Variants in PDE8B observed in about 807,000 individuals in gnomAD.
The protein encoded by PDE8B is high affinity cAMP-specific and IBMX-insensitive 3',5'-cyclic phosphodiesterase 8B.
PDE8B carries 26 observed loss-of-function variants against 101.3 expected under a neutral mutation model. The observed-to-expected ratio is 0.26, with a 90% confidence interval of 0.19 to 0.36. The LOEUF (loss-of-function observed/expected upper bound fraction) is 0.36. PDE8B is among the 10% of genes least tolerant of loss of function. The probability of loss-of-function intolerance (pLI) is 1.00; values close to 1 mark genes in which losing one functional copy is unlikely to be tolerated. For missense variants in PDE8B, 810 were observed against 1,163.1 expected, an observed-to-expected ratio of 0.70 and a Z score of 4.42; for synonymous variants, 424 against 429.3, an observed-to-expected ratio of 0.99 and a Z score of 0.15.
intron 10 of PDE8B, among the ~76,000 whole-genome samples, chr5:77,353,640 A>G (rs76721227): frequency 2.6e-5 from 4 of 151,982 alleles, no homozygotes; most frequent in Admixed American, 2.0e-4. Flanking sequence ...TGGCTGAGGA[A>G]CTCTCTAGAC....
In PDE8B at chr5:77,400,255, A is replaced by G. The variant is rs1791976981; in HGVS notation, c.1175A>G (p.Lys392Arg). The G allele has an allele frequency of 1.2e-6, 2 of 1,602,248 alleles. No individual in the cohort carries two copies. The highest frequency in any genetic ancestry group is 1.7e-6 in the Non-Finnish European group (2 of 1,169,206). ...ACTTTTGAACGACTTTAGATTCACA[A>G]GATTCATCGTGATTCAGGAGACAAT... is the stretch of plus-strand genomic sequence containing the variant. The part of the protein sequence containing the change: ...CTTDNNKQIH[K>R]IHRDSGDNSQ... Residue 392 changes from lysine to arginine, a missense_variant, in exon 11 of 22, where the codon AAG becomes AGG. Transcript: ENST00000264917.
At chr5:77,164,975 C>T in the PDE8B span, among the ~76,000 whole-genome samples, 42,392 of 152,092 alleles carry the variant, frequency 0.28, 7,285 homozygotes, top group Middle Eastern at 0.38. Context: ...TAGTGGTATA[C>T]TGATACATGC....
chr5:77,368,894 C>T (rs570782751), intron 10 of PDE8B, among the ~76,000 whole-genome samples: 1 of 152,018 alleles, frequency 6.6e-6, no homozygotes, highest in East Asian at 1.9e-4. Flanking sequence ...GGTTAGACCC[C>T]ATCTTAAAGA....
the PDE8B span, chr5:77,114,517 TGG>T: frequency 6.6e-6 from 1 of 151,612 alleles, no homozygotes. Context: ...GTTGAGGGGT[TGG>T]GGGGCTGGGG....
chr5:77,274,515 T>C (rs1241378158), intron 1 of PDE8B, among the ~76,000 whole-genome samples: 6 of 152,254 alleles, frequency 3.9e-5, no homozygotes, highest in Non-Finnish European at 7.3e-5. Flanking sequence ...CTCCTGGACA[T>C]GCAGTGATGG....
At chr5:77,139,233 C>A in the PDE8B span, 1 of 152,258 alleles carries the variant, frequency 6.6e-6, no homozygotes, top group Non-Finnish European at 1.5e-5. Context: ...GACTGAGGCT[C>A]CTTCTCTTCC....
chr5:77,419,987 G>A (rs1008093038), intron 19 of PDE8B, 100 bp downstream of exon 19: 1 of 1,394,474 alleles, frequency 7.2e-7, no homozygotes, highest in Non-Finnish European at 1.0e-6. Context: ...AATGTAAGGT[G>A]GTTATTTACT....
chr5:77,319,527 A>G (rs890635099), intron 2 of PDE8B, among the ~76,000 whole-genome samples: 1 of 152,244 alleles, frequency 6.6e-6, no homozygotes, highest in Non-Finnish European at 1.5e-5. Context: ...ATGCAAAATG[A>G]TAATGCTGTG....
intron 1 of PDE8B, chr5:77,291,465 A>T: frequency 1.2e-6 from 2 of 1,611,046 alleles, no homozygotes; most frequent in South Asian, 2.2e-5. Flanking sequence ...ACACACAGAG[A>T]CTTTTGCTCC....
intron 5 of PDE8B, 41 bp downstream of exon 5, chr5:77,331,500 C>T (rs765516392): frequency 4.8e-6 from 7 of 1,461,892 alleles, no homozygotes; most frequent in South Asian, 3.4e-5. Context: ...GTTGCAGGCA[C>T]CTTAACCCCT....
rs1465918008 is a variant in PDE8B at position 77,358,483 on chromosome 5, T to C, written c.1167+5077T>C. The C allele has an allele frequency of 4.1e-6, 4 of 978,096 alleles. No homozygotes were observed. The East Asian group carries it at 4.5e-4, about 111-fold the overall frequency. 60.6% of individuals were successfully genotyped at this position (978,096 alleles called of 1,614,324 possible). A position where few individuals can be genotyped will look rare whatever the true frequency, so the allele number is the denominator to read the frequency against. On this transcript the variant is annotated intron_variant, in intron 10 of 21. Coordinates refer to ENST00000264917, the MANE Select transcript of PDE8B (RefSeq NM_003719.5). Reference sequence around the variant, plus strand: ...AGTTCTCGCCTTAGGGCGGGGACTGTGGGTTATGCCTCTTCGTACTTCCTC... The same window carrying C: ...AGTTCTCGCCTTAGGGCGGGGACTGCGGGTTATGCCTCTTCGTACTTCCTC...
In PDE8B at chr5:77,311,998, T is replaced by G. The variant is rs1442721042; in HGVS notation, c.344T>G (p.Val115Gly). The change falls in exon 2 of 22, where the codon GTG (valine) becomes GGG (glycine). Residue 115 changes from valine (V) to glycine (G), a missense_variant. Transcript: ENST00000264917. ...TQTCYTSVKQVSSAEVRIGPM... is the reference protein window; with the variant it reads ...TQTCYTSVKQGSSAEVRIGPM... ...CTTGTGCTGTCCTTTATTTAGCAGG[T>G]GTCTTCTGCGGAGGTGCGCATCGGG... 1.9e-6 allele frequency: 3 copies of G among 1,613,336 alleles called. No homozygotes were observed. The highest frequency in any genetic ancestry group is 2.5e-6 in the Non-Finnish European group (3 of 1,179,246).
intron 1 of PDE8B, among the ~76,000 whole-genome samples, chr5:77,274,804 C>T (rs1285191852): frequency 6.6e-6 from 1 of 152,030 alleles, no homozygotes; most frequent in Non-Finnish European, 1.5e-5. Flanking sequence ...GGAATTTTAG[C>T]AGTTGTAGAC....
intron 1 of PDE8B, among the ~76,000 whole-genome samples, chr5:77,259,168 C>A (rs769736914): frequency 6.7e-6 from 1 of 148,830 alleles, no homozygotes; most frequent in Non-Finnish European, 1.5e-5. Context: ...TCTCCTGGTT[C>A]CTGCTTTTTG....
intron 5 of PDE8B, among the ~76,000 whole-genome samples, chr5:77,335,669 C>T (rs951115729): frequency 6.6e-6 from 1 of 152,100 alleles, no homozygotes; most frequent in African/African-American, 2.4e-5. Flanking sequence ...TAGTATTCTC[C>T]TCCTCCACTT....
chr5:77,282,558 G>A (rs906039080), intron 1 of PDE8B, among the ~76,000 whole-genome samples: 2 of 152,134 alleles, frequency 1.3e-5, no homozygotes, highest in Non-Finnish European at 2.9e-5. Context: ...CCCCTGTGCT[G>A]TGGGGAGGCC....
At chr5:77,426,075 A>G in intron 21 of PDE8B, 179 bp downstream of exon 21, 1 of 670,476 alleles carries the variant, frequency 1.5e-6, no homozygotes, top group Non-Finnish European at 2.7e-6. Flanking sequence ...CTGGCACAGA[A>G]GCTTGTGTGC....
intron 10 of PDE8B, among the ~76,000 whole-genome samples, chr5:77,397,289 C>T (rs531507197): frequency 6.6e-6 from 1 of 152,118 alleles, no homozygotes; most frequent in Non-Finnish European, 1.5e-5. Context: ...CTTGGCCTCC[C>T]AAAGTGCTGG....
At chr5:77,271,962 C>T (rs1200260258) in intron 1 of PDE8B, among the ~76,000 whole-genome samples, 2 of 152,180 alleles carry the variant, frequency 1.3e-5, no homozygotes, top group South Asian at 4.1e-4. Flanking sequence ...GTCCTCGGAA[C>T]AGTACCACCT....
Sources: gnomAD v4.1 joint callset for allele counts (sites outside exome capture counted in the v4.1 genomes callset) on GRCh38, gnomAD v4.1.1 for gene constraint, MANE v1.5 for transcripts, NCBI Gene and HGNC (gene_info 2026-07-23, HGNC 2026-07-21) for gene names.